PPFIA2: variants seen among roughly 807,000 people sequenced by gnomAD.
PPFIA2 encodes the protein PPFI scaffold protein A2.
Under a neutral mutation model 175.5 loss-of-function variants are expected in PPFIA2, and 46 were observed. That is an observed-to-expected ratio of 0.26 (90% CI 0.21 to 0.34). PPFIA2 has a LOEUF of 0.34. Among genes scored for constraint, PPFIA2 ranks in the 10% least tolerant of loss-of-function variants. The pLI, the probability that PPFIA2 is intolerant of heterozygous loss-of-function variation, is 1.00. For missense variants in PPFIA2, 1,179 were observed against 1,506.1 expected (o/e 0.78, Z 3.60); for synonymous variants, 568 against 511.4 (o/e 1.11, Z -1.49).
At chr12:81,383,870 G>A (rs866395655) in intron 9 of PPFIA2, among the ~76,000 whole-genome samples, 153 bp downstream of exon 9, 15 of 152,170 alleles carry the variant, frequency 9.9e-5, no homozygotes, top group South Asian at 2.1e-4. Flanking sequence ...CTATGTTTGC[G>A]CTATTGAACA....
chr12:81,377,308 G>A (rs886702331), intron 9 of PPFIA2, among the ~76,000 whole-genome samples: 1 of 152,124 alleles, frequency 6.6e-6, no homozygotes, highest in African/African-American at 2.4e-5. Flanking sequence ...CATTTTGGGA[G>A]GCCAAGGTGG....
At chr12:81,754,349 G>T in intron 2 of PPFIA2, 126 bp from the exon 3 acceptor site, 1 of 1,203,316 alleles carries the variant, frequency 8.3e-7, no homozygotes, top group Non-Finnish European at 1.2e-6. Flanking sequence ...CCTACCTGTT[G>T]CCCCAAATCC....
chr12:81,471,504 T>C (rs2056728475), intron 4 of PPFIA2, among the ~76,000 whole-genome samples: 1 of 151,544 alleles, frequency 6.6e-6, no homozygotes, highest in Non-Finnish European at 1.5e-5. Context: ...AATAATTTTC[T>C]ATTGTTTGAA....
intron 14 of PPFIA2, among the ~76,000 whole-genome samples, chr12:81,365,035 A>T (rs1401914779): frequency 6.6e-6 from 1 of 151,538 alleles, no homozygotes; most frequent in Non-Finnish European, 1.5e-5. Context: ...GAATATATAA[A>T]CTCTCTCAGG....
chr12:81,544,629 C>G (rs2066714732), intron 4 of PPFIA2, among the ~76,000 whole-genome samples: 1 of 152,098 alleles, frequency 6.6e-6, no homozygotes, highest in African/African-American at 2.4e-5. Flanking sequence ...ACTGTTACCA[C>G]TATTCTTGAG....
intron 8 of PPFIA2, among the ~76,000 whole-genome samples, chr12:81,404,434 A>T (rs2042571436): frequency 6.6e-6 from 1 of 152,202 alleles, no homozygotes; most frequent in African/African-American, 2.4e-5. Flanking sequence ...AGCAATATCA[A>T]ATTACATGTT....
intron 3 of PPFIA2, among the ~76,000 whole-genome samples, chr12:81,747,458 A>G (rs2464735): frequency 0.78 from 110,899 of 142,452 alleles, 46,999 homozygotes; most frequent in Middle Eastern, 0.94. Context: ...AGGATTTTTA[A>G]TGCTCTCAAT....
chr12:81,439,016 T>TGGAC (rs2049624836), intron 7 of PPFIA2, among the ~76,000 whole-genome samples: 1 of 151,952 alleles, frequency 6.6e-6, no homozygotes, highest in Admixed American at 6.6e-5. Flanking sequence ...TTTGCTAATT[T>TGGAC]ATATTAGTAT....
chr12:81,596,606 G>T (rs756527880), intron 4 of PPFIA2, among the ~76,000 whole-genome samples: 6 of 152,056 alleles, frequency 3.9e-5, no homozygotes, highest in Non-Finnish European at 8.8e-5. Flanking sequence ...TCATGACCGA[G>T]CATATGGAAT....
At position 81,390,485 on chromosome 12, in the gene PPFIA2, A is replaced by G. The variant is rs530644953; in HGVS notation, c.763-6241T>C. Among the ~76,000 whole-genome samples, 4 of 152,090 alleles carry G rather than the reference A, an allele frequency of 2.6e-5. No individual in the cohort carries two copies. The South Asian group carries it at 6.2e-4, about 24-fold the overall frequency. On this transcript the variant is annotated intron_variant, in intron 8 of 32. Transcript: ENST00000549396. ...CAGCTATTCTAGTGGGTGCAAAGTG[A>G]TATTTCCTTATGGTTTGGATTTGCA...
intron 4 of PPFIA2, among the ~76,000 whole-genome samples, chr12:81,500,550 C>T (rs564379906): frequency 1.8e-4 from 28 of 152,230 alleles, no homozygotes; most frequent in African/African-American, 6.3e-4. Flanking sequence ...TCTTGTCAAC[C>T]CAAGAAAGTT....
At position 81,603,998 on chromosome 12, in the gene PPFIA2, T is replaced by C. The variant is rs184787819; in HGVS notation, c.303+72793A>G. 1.2e-3 allele frequency among the ~76,000 whole-genome samples: 180 copies of C among 151,842 alleles called. 1 individual carries two copies. The highest frequency in any genetic ancestry group is 4.1e-3 in the African/African-American group (172 of 41,510). On this transcript the variant is annotated intron_variant, in intron 4 of 32. Coordinates refer to ENST00000549396, the MANE Select transcript of PPFIA2 (RefSeq NM_003625.5). ...TTTCCAGGCTTTGGGGACAGGATTATCAGATACAATATCAGTGCTTTAGGA... is the reference window on the plus strand; with the variant it reads ...TTTCCAGGCTTTGGGGACAGGATTACCAGATACAATATCAGTGCTTTAGGA...
chr12:81,412,207 G>T (rs528272778), intron 7 of PPFIA2, among the ~76,000 whole-genome samples: 3 of 150,900 alleles, frequency 2.0e-5, no homozygotes, highest in Non-Finnish European at 3.0e-5. Flanking sequence ...ATTTCTTGAG[G>T]GTTTAATAAA....
intron 4 of PPFIA2, among the ~76,000 whole-genome samples, chr12:81,639,949 A>T (rs944979258): frequency 1.3e-5 from 2 of 152,176 alleles, no homozygotes; most frequent in Non-Finnish European, 2.9e-5. Flanking sequence ...GCAGCAGAAG[A>T]TGCCAAAATT....
At chr12:81,540,184 C>G (rs114642171) in intron 4 of PPFIA2, among the ~76,000 whole-genome samples, 2,516 of 151,864 alleles carry the variant, frequency 0.017, 73 homozygotes, top group African/African-American at 0.058. Context: ...GCAAACAAAC[C>G]AAAATAAAAT....
At chr12:81,655,595 CT>C (rs980586525) in intron 4 of PPFIA2, among the ~76,000 whole-genome samples, 50 of 151,734 alleles carry the variant, frequency 3.3e-4, no homozygotes, top group African/African-American at 9.7e-5. Context: ...AATTTTAGCA[CT>C]TTTTAGTTAT....
At chr12:81,501,280 C>T (rs2060567123) in intron 4 of PPFIA2, among the ~76,000 whole-genome samples, 1 of 152,144 alleles carries the variant, frequency 6.6e-6, no homozygotes, top group Non-Finnish European at 1.5e-5. Flanking sequence ...TTCACCTTTT[C>T]CAAGATAGTT....
intron 3 of PPFIA2, among the ~76,000 whole-genome samples, chr12:81,712,214 T>C (rs1044527450): frequency 5.3e-5 from 8 of 151,356 alleles, no homozygotes; most frequent in African/African-American, 1.9e-4. Flanking sequence ...GAGTTTCACA[T>C]AACATTGGTC....
Position 81,457,846 on chromosome 12 carries a change from T to C in PPFIA2, c.324A>G (p.Lys108=). ...GTTGTTCCCTGCAGGCATTTAATTC[T>C]TTTGTCAGTGCAGCAAATTCCTGGA... The part of the protein sequence containing the change: ...ADPPEFAALT[K]ELNACREQLL... Residue 108 remains lysine (K), a synonymous_variant, in exon 5 of 33, where the codon AAA becomes AAG. Coordinates refer to ENST00000549396, the MANE Select transcript of PPFIA2 (RefSeq NM_003625.5). 6.2e-7 allele frequency: 1 copy of C among 1,605,302 alleles called. No individual in the cohort carries two copies. Among genetic ancestry groups the C allele is most frequent in the Non-Finnish European group, 8.5e-7 (1 of 1,175,938 alleles).
Sources: allele counts gnomAD v4.1 joint callset (sites outside exome capture counted in the v4.1 genomes callset), GRCh38; gene constraint gnomAD v4.1.1; transcripts MANE v1.5; gene names NCBI Gene and HGNC (gene_info 2026-07-23, HGNC 2026-07-21).